Variants in OCA2 observed in about 807,000 individuals in gnomAD.
The protein encoded by OCA2 is P protein.
A neutral mutation model predicts 100.2 loss-of-function variants in OCA2; 77 were observed. That is an observed-to-expected ratio of 0.77 (90% CI 0.64 to 0.93). The LOEUF is 0.93. Among genes scored for constraint, OCA2 ranks in the 40% least tolerant of loss-of-function variants. The pLI is 0.00. For missense variants in OCA2, 1,062 were observed against 1,089.1 expected (o/e 0.98, Z 0.35); for synonymous variants, 432 against 439.2 (o/e 0.98, Z 0.21).
At chr15:27,869,458 T>C (rs2036456907) in intron 21 of OCA2, among the ~76,000 whole-genome samples, 1 of 152,288 alleles carries the variant, frequency 6.6e-6, no homozygotes, top group Non-Finnish European at 1.5e-5. Flanking sequence ...GGTGAACATA[T>C]GGATATTTGT....
chr15:27,986,009 A>C (rs529377140), intron 12 of OCA2, among the ~76,000 whole-genome samples: 2 of 152,308 alleles, frequency 1.3e-5, no homozygotes, highest in Admixed American at 6.5e-5. Context: ...AATTTTTAAA[A>C]AGACCTTTTC....
chr15:27,929,594 A>G (rs1036937281), intron 18 of OCA2, among the ~76,000 whole-genome samples: 1 of 152,138 alleles, frequency 6.6e-6, no homozygotes, highest in African/African-American at 2.4e-5. Flanking sequence ...CTTAGACATA[A>G]CAGTAAAAAC....
At chr15:28,016,013 T>C (rs1173547207) in intron 8 of OCA2, 91 bp downstream of exon 8, 2 of 958,592 alleles carry the variant, frequency 2.1e-6, no homozygotes, top group Non-Finnish European at 3.4e-6. Flanking sequence ...TGGTGCTGTG[T>C]GGGCCGAAAT....
chr15:27,834,872 G>A (rs558370900), intron 23 of OCA2, among the ~76,000 whole-genome samples: 2 of 152,170 alleles, frequency 1.3e-5, no homozygotes, highest in South Asian at 2.1e-4. Flanking sequence ...GTTGACAAGC[G>A]CCATCTCCTA....
chr15:27,961,221 G>C (rs1335117385), intron 15 of OCA2, among the ~76,000 whole-genome samples: 1 of 152,190 alleles, frequency 6.6e-6, no homozygotes, highest in Non-Finnish European at 1.5e-5. Flanking sequence ...CTGGTCATTA[G>C]AGAAACGCAA....
At chr15:27,751,168 G>T (rs1437910602), downstream of OCA2, among the ~76,000 whole-genome samples, 2 of 152,124 alleles carry the variant, frequency 1.3e-5, no homozygotes, top group Non-Finnish European at 2.9e-5. Context: ...AACATCCTCT[G>T]GTCCTTAAGA....
chr15:28,079,240 G>C (rs543310430), intron 2 of OCA2, among the ~76,000 whole-genome samples: 9 of 152,014 alleles, frequency 5.9e-5, no homozygotes, highest in African/African-American at 2.2e-4. Context: ...CCACATACCT[G>C]AGACTCCCAC....
chr15:27,832,108 C>T (rs562880294), intron 23 of OCA2, among the ~76,000 whole-genome samples: 2 of 152,202 alleles, frequency 1.3e-5, no homozygotes, highest in Admixed American at 1.3e-4. Flanking sequence ...CGGACTGGAA[C>T]ATACTCAAGA....
At chr15:28,089,087 T>C (rs2044828456) in intron 1 of OCA2, among the ~76,000 whole-genome samples, 1 of 152,228 alleles carries the variant, frequency 6.6e-6, no homozygotes, top group Non-Finnish European at 1.5e-5. Context: ...AGAAAAAGAA[T>C]TCAGCGATAT....
chr15:27,720,401 T>TTA, the OCA2 span, among the ~76,000 whole-genome samples: 1 of 149,760 alleles, frequency 6.7e-6, no homozygotes, highest in Non-Finnish European at 1.5e-5. Context: ...ATATATTATG[T>TTA]TATATATATG....
At chr15:27,876,176 A>G (rs997028567) in intron 19 of OCA2, among the ~76,000 whole-genome samples, 1 of 152,058 alleles carries the variant, frequency 6.6e-6, no homozygotes, top group Non-Finnish European at 1.5e-5. Context: ...TCAGTTTGAG[A>G]ATTCATGGTT....
chr15:27,891,013 G>C (rs1403152995), intron 19 of OCA2, among the ~76,000 whole-genome samples: 1 of 145,462 alleles, frequency 6.9e-6, no homozygotes, highest in African/African-American at 2.7e-5. Flanking sequence ...GACAGAGTGA[G>C]ACTCCATCTC....
intron 18 of OCA2, among the ~76,000 whole-genome samples, chr15:27,929,040 T>C (rs943712612): frequency 1.3e-5 from 2 of 152,232 alleles, no homozygotes; most frequent in African/African-American, 4.8e-5. Flanking sequence ...GGGCTTCTGA[T>C]CTATAAACAC....
chr15:27,897,818 C>T (rs1014998931), intron 19 of OCA2, among the ~76,000 whole-genome samples: 1 of 152,144 alleles, frequency 6.6e-6, no homozygotes, highest in Non-Finnish European at 1.5e-5. Context: ...CTCAACCAGC[C>T]CGTGAAGGCA....
downstream of OCA2, among the ~76,000 whole-genome samples, chr15:27,752,593 G>A (rs1336000535): frequency 6.6e-6 from 1 of 152,166 alleles, no homozygotes; most frequent in Non-Finnish European, 1.5e-5. Flanking sequence ...CATCAGCAGT[G>A]CTTCCTGTCC....
At chr15:27,770,874 C>CCTCT (rs61588203) in intron 23 of OCA2, among the ~76,000 whole-genome samples, 1 of 95,080 alleles carries the variant, frequency 1.1e-5, no homozygotes, top group African/African-American at 4.3e-5. Flanking sequence ...TCCTTCCCTC[C>CCTCT]TTCCTTTGCT....
intron 23 of OCA2, among the ~76,000 whole-genome samples, chr15:27,791,562 G>A (rs1004393535): frequency 6.6e-6 from 1 of 152,188 alleles, no homozygotes; most frequent in African/African-American, 2.4e-5. Flanking sequence ...CCTGCTGCGT[G>A]TCTTAGTTGT....
chr15:27,966,176 G>T (rs8035315), intron 15 of OCA2, among the ~76,000 whole-genome samples: 77,010 of 152,092 alleles, frequency 0.51, 24,037 homozygotes, highest in Non-Finnish European at 0.71. Flanking sequence ...TCACCATGTT[G>T]GCCAGGCTGG....
intron 2 of OCA2, among the ~76,000 whole-genome samples, chr15:28,046,180 T>C (rs1234558212): frequency 6.6e-6 from 1 of 152,176 alleles, no homozygotes; most frequent in Non-Finnish European, 1.5e-5. Context: ...TTACCCGCAG[T>C]GCCATCTTGG....
Sources: allele counts gnomAD v4.1 joint callset (sites outside exome capture counted in the v4.1 genomes callset), GRCh38; gene constraint gnomAD v4.1.1; transcripts MANE v1.5; gene names NCBI Gene and HGNC (gene_info 2026-07-23, HGNC 2026-07-21).